MYO9A: variants seen among roughly 807,000 people sequenced by gnomAD.
MYO9A encodes the protein myosin IXA.
A neutral mutation model predicts 293.3 loss-of-function variants in MYO9A; 103 were observed. The ratio of observed to expected loss-of-function variants is 0.35; its 90% CI spans 0.30 to 0.41. MYO9A has a LOEUF of 0.41. MYO9A is among the 10% of genes least tolerant of loss of function. The pLI, the probability that MYO9A is intolerant of heterozygous loss-of-function variation, is 1.00. For synonymous variants in MYO9A, 1,001 were observed against 1,035.7 expected, an observed-to-expected ratio of 0.97 and a Z score of 0.64; for missense variants, 2,685 against 3,033.0, an observed-to-expected ratio of 0.89 and a Z score of 2.69.
At chr15:71,874,625 C>T (rs187028229) in intron 32 of MYO9A, among the ~76,000 whole-genome samples, 235 of 152,198 alleles carry the variant, frequency 1.5e-3, no homozygotes, top group African/African-American at 4.8e-3. Flanking sequence ...AGAACTATAA[C>T]GGGAGAAGAG....
intron 41 of MYO9A, 102 bp from the exon 42 acceptor site, chr15:71,827,145 A>G (rs2054538601): frequency 1.1e-6 from 1 of 919,524 alleles, no homozygotes; most frequent in Non-Finnish European, 1.6e-6. Flanking sequence ...ATTGGGTGGG[A>G]TAAGATTCAG....
At chr15:72,081,858 C>T (rs1255567124) in intron 1 of MYO9A, among the ~76,000 whole-genome samples, 15 of 151,770 alleles carry the variant, frequency 9.9e-5, no homozygotes, top group Admixed American at 8.5e-4. Flanking sequence ...TGTAGGTGTG[C>T]CTTATTTCTG....
chr15:72,115,759 A>G (rs908491101), intron 1 of MYO9A, among the ~76,000 whole-genome samples: 7 of 152,252 alleles, frequency 4.6e-5, no homozygotes, highest in African/African-American at 1.7e-4. Context: ...CAGAGGTTCA[A>G]TGAGAAATTT....
At position 71,898,367 on chromosome 15, in the gene MYO9A, T is replaced by C; in HGVS notation, c.4136A>G (p.Glu1379Gly). The C allele has an allele frequency of 6.2e-7, 1 of 1,613,626 alleles. No individual in the cohort carries two copies. The highest frequency in any genetic ancestry group is 8.5e-7 in the Non-Finnish European group (1 of 1,180,036). ...SRDNALSASN[E>G]TSSAEHLKDG... ...CTTCAAATGCTCTGCACTGCTAGTC[T>C]CATTTGAGGCACTGAGGGCATTGTC... Residue 1379 changes from glutamate to glycine, a missense_variant, in exon 25 of 42, where the codon GAG becomes GGG. Glu to Gly is a moderately conservative substitution (Grantham distance 98). Coordinates refer to ENST00000356056, the MANE Select transcript of MYO9A (RefSeq NM_006901.4).
At chr15:72,015,476 G>A (rs1396474026) in intron 6 of MYO9A, among the ~76,000 whole-genome samples, 1 of 152,142 alleles carries the variant, frequency 6.6e-6, no homozygotes, top group Non-Finnish European at 1.5e-5. Context: ...AGGTAGTAGT[G>A]ACCAAAGTTG....
intron 1 of MYO9A, among the ~76,000 whole-genome samples, chr15:72,082,525 GC>G (rs1329280719): frequency 2.6e-5 from 4 of 152,012 alleles, no homozygotes; most frequent in South Asian, 2.1e-4. Flanking sequence ...CTATTTAAAT[GC>G]CCTTTATTTC....
At chr15:71,988,317 G>C (rs1357937180) in intron 11 of MYO9A, among the ~76,000 whole-genome samples, 1 of 152,110 alleles carries the variant, frequency 6.6e-6, no homozygotes, top group East Asian at 1.9e-4. Context: ...CTTAGCTTTT[G>C]ATTAAAAGAA....
chr15:71,854,289 G>T, intron 35 of MYO9A, 88 bp downstream of exon 35: 1 of 1,068,420 alleles, frequency 9.4e-7, no homozygotes, highest in Non-Finnish European at 1.3e-6. Context: ...GCTAAGTAAA[G>T]GATTGACATG....
intron 1 of MYO9A, among the ~76,000 whole-genome samples, chr15:72,065,379 G>C (rs2078988462): frequency 6.6e-6 from 1 of 151,904 alleles, no homozygotes; most frequent in African/African-American, 2.4e-5. Flanking sequence ...GCCAGGAGTG[G>C]TGGCGCATAC....
At position 71,830,194 on chromosome 15, in the gene MYO9A, T is replaced by C. The variant is rs2054662543; in HGVS notation, c.6955A>G (p.Thr2319Ala). 5.6e-6 allele frequency: 9 copies of C among 1,614,034 alleles called. No individual in the cohort carries two copies. The East Asian group carries it at 2.0e-4, about 36-fold the overall frequency. The part of the protein sequence containing the change: ...ETLTSEAAME[T>A]DITEQQQAAM... Reference sequence around the variant, plus strand: ...GCTTGCTGCTGTTCTGTGATGTCAGTCTCCATGGCTGCCTCACTAGTCAAG... The same window carrying C: ...GCTTGCTGCTGTTCTGTGATGTCAGCCTCCATGGCTGCCTCACTAGTCAAG... The change falls in exon 40 of 42, where the codon ACT (threonine) becomes GCT (alanine). Residue 2319 changes from threonine (T) to alanine (A), a missense_variant. Around this residue, in one of 10 missense-constraint regions of MYO9A, gnomAD observed 350 missense variants for 328.9 expected, o/e 1.06. Transcript: ENST00000356056.
chr15:72,025,506 G>A (rs986892156), intron 4 of MYO9A, among the ~76,000 whole-genome samples: 8 of 152,174 alleles, frequency 5.3e-5, no homozygotes, highest in Non-Finnish European at 7.4e-5. Context: ...AAATACAGGC[G>A]CATGCAACCA....
chr15:71,835,960 GA>G (rs756624870), intron 39 of MYO9A, among the ~76,000 whole-genome samples: 2 of 152,058 alleles, frequency 1.3e-5, no homozygotes, highest in Admixed American at 6.5e-5. Flanking sequence ...AATAAAAGGG[GA>G]ACTGCAGGGC....
rs1299704121 is a variant in MYO9A at position 71,869,720 on chromosome 15, TC to T, written c.5979+6070del. Among the ~76,000 whole-genome samples the T allele has an allele frequency of 4.6e-5, 7 of 152,118 alleles. No homozygotes were observed. The East Asian group carries it at 1.2e-3, about 25-fold the overall frequency. On this transcript the variant is annotated intron_variant, in intron 32 of 41. Transcript: ENST00000356056. Reference sequence around the variant, plus strand: ...ACCAAAATGAAACAAAAAGAACTGATCCAGGACAGTGAGACAATTACAGCTG... The same window carrying T: ...ACCAAAATGAAACAAAAAGAACTGATCAGGACAGTGAGACAATTACAGCTG...
intron 19 of MYO9A, among the ~76,000 whole-genome samples, chr15:71,908,640 T>A (rs2057743548): frequency 6.6e-6 from 1 of 152,202 alleles, no homozygotes; most frequent in Non-Finnish European, 1.5e-5. Flanking sequence ...AGTTTTAGGT[T>A]CACAGCAAAA....
chr15:71,857,739 T>C (rs922533839), intron 34 of MYO9A, among the ~76,000 whole-genome samples: 2 of 152,054 alleles, frequency 1.3e-5, no homozygotes, highest in East Asian at 1.9e-4. Flanking sequence ...TAAAAGTATA[T>C]AAAGGTACAT....
chr15:71,826,751 G>A lies in MYO9A; in HGVS notation c.7476C>T (p.Thr2492=). ...EDKPQFISRG[T]FNPEKGKQKL... The stretch of plus-strand genomic sequence containing the variant: ...TTTGTTTGCCCTTTTCCGGGTTGAA[G>A]GTTCCTCTGCTGATGAACTGAGGCT... The change falls in exon 42 of 42, where the codon ACC becomes ACT. Residue 2492 remains threonine, a synonymous_variant. Coordinates refer to ENST00000356056, the MANE Select transcript of MYO9A (RefSeq NM_006901.4). The A allele has an allele frequency of 3.7e-6, 6 of 1,614,096 alleles. No homozygotes were observed. Among genetic ancestry groups the A allele is most frequent in the Non-Finnish European group, 5.1e-6 (6 of 1,179,972 alleles).
At chr15:72,019,175 T>C (rs2077427209) in intron 5 of MYO9A, 80 bp from the exon 6 acceptor site, 2 of 1,153,520 alleles carry the variant, frequency 1.7e-6, no homozygotes, top group African/African-American at 1.5e-5. Context: ...GGTGTGCAAG[T>C]AGTACTGCTG....
intron 4 of MYO9A, among the ~76,000 whole-genome samples, chr15:72,022,102 T>C (rs2077517762): frequency 6.6e-6 from 1 of 152,268 alleles, no homozygotes; most frequent in Admixed American, 6.5e-5. Context: ...AAAAAGAATA[T>C]CAACTTTATA....
At chr15:72,065,695 G>A (rs1189593151) in intron 1 of MYO9A, among the ~76,000 whole-genome samples, 4 of 151,700 alleles carry the variant, frequency 2.6e-5, no homozygotes, top group Admixed American at 6.6e-5. Context: ...GAAGATACCT[G>A]CAATACACAT....
Sources: gnomAD v4.1 joint callset for allele counts (sites outside exome capture counted in the v4.1 genomes callset) on GRCh38, gnomAD v4.1.1 for gene constraint, gnomAD v4.1.1 regional missense constraint, MANE v1.5 for transcripts, NCBI Gene and HGNC (gene_info 2026-07-23, HGNC 2026-07-21) for gene names.